The following SUGP1 variants were observed in gnomAD, a reference collection of about 807,000 sequenced individuals.
The protein encoded by SUGP1 is SURP and G-patch domain-containing protein 1.
Under a neutral mutation model 76.5 loss-of-function variants are expected in SUGP1, and 34 were observed. That is an observed-to-expected ratio of 0.44 (90% CI 0.34 to 0.59). The LOEUF is 0.59. SUGP1 is among the 20% of genes least tolerant of loss of function. The pLI, the probability that SUGP1 is intolerant of heterozygous loss-of-function variation, is 0.01. For missense variants in SUGP1, 752 were observed against 851.7 expected, an observed-to-expected ratio of 0.88 and a Z score of 1.46; for synonymous variants, 326 against 326.2, an observed-to-expected ratio of 1.00 and a Z score of 0.01.
At chr19:19,289,773 T>A (rs2146600900) in intron 8 of SUGP1, among the ~76,000 whole-genome samples, 1 of 151,210 alleles carries the variant, frequency 6.6e-6, no homozygotes, top group Admixed American at 6.6e-5. Flanking sequence ...CAAAAAACAA[T>A]AACAAAAACA....
chr19:19,307,399 T>C (rs1196627404), intron 3 of SUGP1, among the ~76,000 whole-genome samples: 1 of 151,926 alleles, frequency 6.6e-6, no homozygotes, highest in Non-Finnish European at 1.5e-5. Context: ...AGTGTGGAAA[T>C]GGAGGTAACC....
At chr19:19,309,819 G>GTCT (rs1332086333) in intron 3 of SUGP1, among the ~76,000 whole-genome samples, 5 of 152,236 alleles carry the variant, frequency 3.3e-5, no homozygotes, top group African/African-American at 1.2e-4. Context: ...GGCTGAGGCA[G>GTCT]GAGAATGGGG....
Position 19,298,917 on chromosome 19 carries a change from T to C in SUGP1, c.888-1573A>G, listed in dbSNP as rs542046158. Among the ~76,000 whole-genome samples, 5 of 151,752 alleles carry C rather than the reference T, an allele frequency of 3.3e-5. No individual in the cohort carries two copies. The East Asian group carries it at 9.7e-4, about 29-fold the overall frequency. ...GGTCCAAGGATGCATCACAGTCCCC[T>C]GGAGGGTCTGCCCATCTCGGGGAGG... On this transcript the variant is annotated intron_variant, in intron 7 of 13. Transcript: ENST00000247001.
intron 8 of SUGP1, among the ~76,000 whole-genome samples, chr19:19,294,177 A>G (rs1253793685): frequency 6.6e-6 from 1 of 150,722 alleles, no homozygotes; most frequent in Non-Finnish European, 1.5e-5. Context: ...ACAGAGTGAG[A>G]CCCTGTCTCA....
chr19:19,280,315 G>C, intron 8 of SUGP1, 24 bp from the exon 9 acceptor site: 7 of 1,605,798 alleles, frequency 4.4e-6, no homozygotes, highest in Non-Finnish European at 6.0e-6. Flanking sequence ...ACACAGGGTA[G>C]TCAGAGCCTG....
At chr19:19,291,983 A>T (rs1306603034) in intron 8 of SUGP1, among the ~76,000 whole-genome samples, 1 of 151,812 alleles carries the variant, frequency 6.6e-6, no homozygotes, top group Non-Finnish European at 1.5e-5. Flanking sequence ...CATTTAAAAG[A>T]AGAAATAAGC....
intron 8 of SUGP1, among the ~76,000 whole-genome samples, chr19:19,291,555 A>G (rs1384366204): frequency 6.6e-6 from 1 of 152,128 alleles, no homozygotes; most frequent in Admixed American, 6.6e-5. Flanking sequence ...GAAAATCTGA[A>G]TAGACAAGTA....
In SUGP1 at chr19:19,297,066, G is replaced by T; in HGVS notation, c.1166C>A (p.Pro389His). 6.2e-7 allele frequency: 1 copy of T among 1,613,258 alleles called. No homozygotes were observed. Among genetic ancestry groups the T allele is most frequent in the Non-Finnish European group, 8.5e-7 (1 of 1,179,956 alleles). ...TGGGAGCTCTACCTTATCCTCTTCAGGCCCCCACCGGCTCTTCCGCTTCCT... is the reference window on the plus strand; with the variant it reads ...TGGGAGCTCTACCTTATCCTCTTCATGCCCCCACCGGCTCTTCCGCTTCCT... Reference protein sequence around the residue: ...VKRKRKSRWGPEEDKVELPPA... With the variant: ...VKRKRKSRWGHEEDKVELPPA... The change falls in exon 8 of 14, where the codon CCT becomes CAT. Residue 389 changes from proline (P) to histidine (H), a missense_variant. By Grantham distance (77) the Pro-to-His change is moderately conservative. Coordinates refer to ENST00000247001, the MANE Select transcript of SUGP1 (RefSeq NM_172231.4).
In SUGP1 at chr19:19,314,300, G is replaced by GT. The variant is rs563158381; in HGVS notation, c.206+2121dup. On this transcript the variant is annotated intron_variant, in intron 2 of 13. Coordinates refer to ENST00000247001, the MANE Select transcript of SUGP1 (RefSeq NM_172231.4). ...ATGGCACCACTACACTCCAGCCTGT[G>GT]TGACAGAGCAAGACTCGTCTCAAAA... Among the ~76,000 whole-genome samples, 36 of 151,980 alleles carry GT rather than the reference G, an allele frequency of 2.4e-4. No individual in the cohort carries two copies. In the South Asian group the frequency reaches 5.6e-3, roughly 24 times the overall value.
At chr19:19,294,143 T>C (rs191415410) in intron 8 of SUGP1, among the ~76,000 whole-genome samples, 12 of 151,640 alleles carry the variant, frequency 7.9e-5, no homozygotes, top group African/African-American at 2.7e-4. Flanking sequence ...GCTGTCATCA[T>C]GCCACGGCAC....
chr19:19,312,876 G>A (rs1266915918), intron 2 of SUGP1, among the ~76,000 whole-genome samples: 1 of 151,802 alleles, frequency 6.6e-6, no homozygotes, highest in Non-Finnish European at 1.5e-5. Context: ...TGCAGTCCCA[G>A]CTACTCAGGA....
chr19:19,313,000 T>C (rs1183897746), intron 2 of SUGP1, among the ~76,000 whole-genome samples: 1 of 143,486 alleles, frequency 7.0e-6, no homozygotes, highest in African/African-American at 2.6e-5. Context: ...AAAAAAAAAA[T>C]AAATAAATAA....
At chr19:19,320,101 C>T (rs2061430166) in intron 1 of SUGP1, among the ~76,000 whole-genome samples, 1 of 152,232 alleles carries the variant, frequency 6.6e-6, no homozygotes, top group Admixed American at 6.5e-5. Flanking sequence ...GAAAGCGGGA[C>T]ACAGGCCAGA....
At chr19:19,277,306 G>T (rs961443583) in intron 12 of SUGP1, among the ~76,000 whole-genome samples, 6 of 152,038 alleles carry the variant, frequency 3.9e-5, no homozygotes, top group African/African-American at 1.5e-4. Context: ...AGCCCACAGT[G>T]CAAGTTGTCG....
At chr19:19,276,902 C>G in intron 13 of SUGP1, 45 bp downstream of exon 13, 1 of 1,607,814 alleles carries the variant, frequency 6.2e-7, no homozygotes, top group Non-Finnish European at 8.5e-7. Context: ...TACCACCACC[C>G]TCTCCTGTCG....
intron 8 of SUGP1, among the ~76,000 whole-genome samples, chr19:19,288,128 G>C (rs1320608842): frequency 6.6e-6 from 1 of 152,062 alleles, no homozygotes; most frequent in East Asian, 1.9e-4. Flanking sequence ...TTGCACTACA[G>C]CCTGGGCAAT....
intron 3 of SUGP1, among the ~76,000 whole-genome samples, chr19:19,307,483 A>G (rs1463583200): frequency 1.3e-5 from 2 of 152,180 alleles, no homozygotes; most frequent in African/African-American, 4.8e-5. Context: ...GTAAGAGAAA[A>G]AAGCTTGGAA....
chr19:19,310,541 T>C (rs2061346060), intron 2 of SUGP1, among the ~76,000 whole-genome samples: 1 of 152,194 alleles, frequency 6.6e-6, no homozygotes, highest in Non-Finnish European at 1.5e-5. Flanking sequence ...CCTCCCTTGC[T>C]AGTTGATTAT....
intron 4 of SUGP1, 143 bp from the exon 5 acceptor site, chr19:19,303,990 G>C: frequency 3.1e-6 from 5 of 1,594,616 alleles, no homozygotes; most frequent in Non-Finnish European, 4.2e-6. Flanking sequence ...CCGAGTCCAG[G>C]CACAAAACAC....
Sources: gnomAD v4.1 joint callset for allele counts (sites outside exome capture counted in the v4.1 genomes callset) on GRCh38, gnomAD v4.1.1 for gene constraint, MANE v1.5 for transcripts, NCBI Gene and HGNC (gene_info 2026-07-23, HGNC 2026-07-21) for gene names.